RGPD2: variants seen among roughly 807,000 people sequenced by gnomAD.
The protein encoded by RGPD2 is RANBP2-like and GRIP domain-containing protein 2.
Under a neutral mutation model 36.0 loss-of-function variants are expected in RGPD2, and 2 were observed. That is an observed-to-expected ratio of 0.06 (90% confidence interval 0.02 to 0.17). The LOEUF is 0.17. RGPD2 is among the 10% of genes least tolerant of loss of function. RGPD2 has a pLI of 1.00. For missense variants in RGPD2, 40 were observed against 464.3 expected, an observed-to-expected ratio of 0.09 and a Z score of 8.40; for synonymous variants, 19 against 163.8, an observed-to-expected ratio of 0.12 and a Z score of 6.75.
At chr2:87,896,804 C>G in the RGPD2 span, among the ~76,000 whole-genome samples, 1 of 127,506 alleles carries the variant, frequency 7.8e-6, no homozygotes, top group African/African-American at 3.0e-5. Context: ...AAGAAGACCT[C>G]ACTATTGTCA....
chr2:87,948,494 G>A, the RGPD2 span, among the ~76,000 whole-genome samples: 3 of 149,668 alleles, frequency 2.0e-5, no homozygotes, highest in African/African-American at 7.4e-5. Context: ...TTATTCGCCT[G>A]CGTCAGCCTC....
At chr2:87,958,543 C>G in the RGPD2 span, among the ~76,000 whole-genome samples, 2 of 152,262 alleles carry the variant, frequency 1.3e-5, no homozygotes, top group Non-Finnish European at 2.9e-5. Context: ...TAATTAAATG[C>G]TGAAATTTAA....
At chr2:87,953,475 AT>A in the RGPD2 span, among the ~76,000 whole-genome samples, 2 of 137,178 alleles carry the variant, frequency 1.5e-5, no homozygotes, top group Non-Finnish European at 3.1e-5. Context: ...TATAGTTACC[AT>A]TTTTTATCTC....
At chr2:87,973,790 G>T in the RGPD2 span, among the ~76,000 whole-genome samples, 2 of 148,708 alleles carry the variant, frequency 1.3e-5, no homozygotes, top group African/African-American at 4.9e-5. Flanking sequence ...CCAATCTGTT[G>T]TCTGTTTCCT....
At chr2:87,834,581 A>G in the RGPD2 span, among the ~76,000 whole-genome samples, 2 of 152,108 alleles carry the variant, frequency 1.3e-5, no homozygotes, top group Admixed American at 6.6e-5. Flanking sequence ...GATTTAAAAT[A>G]TCACTCAAAC....
chr2:87,967,434 A>G, the RGPD2 span, among the ~76,000 whole-genome samples: 1 of 150,094 alleles, frequency 6.7e-6, no homozygotes, highest in African/African-American at 2.5e-5. Flanking sequence ...TTTTTCCAAC[A>G]AATTTGTTTT....
At chr2:87,915,436 TG>T in the RGPD2 span, among the ~76,000 whole-genome samples, 1 of 140,880 alleles carries the variant, frequency 7.1e-6, no homozygotes, top group Non-Finnish European at 1.5e-5. Context: ...TATATATGTA[TG>T]TGTATATATA....
the RGPD2 span, among the ~76,000 whole-genome samples, chr2:87,935,449 A>G: frequency 1.4e-5 from 2 of 147,252 alleles, no homozygotes; most frequent in East Asian, 4.2e-4. Context: ...TCATTGCTGC[A>G]GTGGTATAAA....
chr2:87,829,294 T>C (rs1686908606), upstream of RGPD2, among the ~76,000 whole-genome samples: 1 of 111,476 alleles, frequency 9.0e-6, no homozygotes, highest in Non-Finnish European at 1.9e-5. Flanking sequence ...ATGATATAGA[T>C]ATTTTAAATA....
chr2:87,943,848 C>A, the RGPD2 span, among the ~76,000 whole-genome samples: 1 of 151,914 alleles, frequency 6.6e-6, no homozygotes, highest in African/African-American at 2.4e-5. Context: ...CCAGTTTTCC[C>A]ATCATCGTTG....
At chr2:87,906,462 A>G in the RGPD2 span, among the ~76,000 whole-genome samples, 1 of 57,176 alleles carries the variant, frequency 1.7e-5, no homozygotes, top group Non-Finnish European at 3.5e-5. Context: ...ATGAGCGTTA[A>G]TGCAAAAGTT....
At chr2:87,905,140 G>C in the RGPD2 span, among the ~76,000 whole-genome samples, 1 of 152,188 alleles carries the variant, frequency 6.6e-6, no homozygotes, top group African/African-American at 2.4e-5. Context: ...CACAGTCATA[G>C]GCCATGGCAG....
the RGPD2 span, among the ~76,000 whole-genome samples, chr2:87,957,983 C>G: frequency 6.6e-6 from 1 of 152,248 alleles, no homozygotes; most frequent in Non-Finnish European, 1.5e-5. Context: ...ACTTGTATAT[C>G]AGCTCCTCTA....
At chr2:87,827,198 G>T (rs955004340), upstream of RGPD2, among the ~76,000 whole-genome samples, 2 of 152,178 alleles carry the variant, frequency 1.3e-5, no homozygotes, top group African/African-American at 2.4e-5. Flanking sequence ...GTGTGCATGT[G>T]TGTGTGAAAA....
intron 1 of RGPD2, among the ~76,000 whole-genome samples, chr2:87,822,212 A>T (rs1458009394): frequency 6.6e-6 from 1 of 152,206 alleles, no homozygotes; most frequent in Non-Finnish European, 1.5e-5. Flanking sequence ...AGGGTAAGGA[A>T]ATCTCTCAAA....
At chr2:87,830,815 C>A in the RGPD2 span, among the ~76,000 whole-genome samples, 1 of 152,172 alleles carries the variant, frequency 6.6e-6, no homozygotes, top group East Asian at 1.9e-4. Flanking sequence ...GTCACTATCA[C>A]GAGAACAGCA....
At chr2:87,952,762 CGTT>C in the RGPD2 span, among the ~76,000 whole-genome samples, 1 of 152,190 alleles carries the variant, frequency 6.6e-6, no homozygotes, top group Non-Finnish European at 1.5e-5. Context: ...TGTTTTTCAT[CGTT>C]GTGTAATTAG....
the RGPD2 span, among the ~76,000 whole-genome samples, chr2:87,842,363 C>A: frequency 6.7e-6 from 1 of 149,240 alleles, no homozygotes; most frequent in East Asian, 1.9e-4. Flanking sequence ...TCAGCAAAGT[C>A]TCAGGATACA....
chr2:87,979,230 TCCCCC>T, the RGPD2 span, among the ~76,000 whole-genome samples: 1 of 133,894 alleles, frequency 7.5e-6, no homozygotes, highest in East Asian at 2.3e-4. Context: ...CAAGACTCTG[TCCCCC>T]TCCCCCAAAA....
Sources: allele counts gnomAD v4.1 joint callset (sites outside exome capture counted in the v4.1 genomes callset), GRCh38; gene constraint gnomAD v4.1.1; transcripts MANE v1.5; gene names NCBI Gene and HGNC (gene_info 2026-07-23, HGNC 2026-07-21).